THADA: variants seen among roughly 807,000 people sequenced by gnomAD.
THADA encodes the protein THADA armadillo repeat containing.
Under a neutral mutation model 219.8 loss-of-function variants are expected in THADA, and 213 were observed. The observed-to-expected ratio is 0.97, with a 90% CI of 0.87 to 1.09. The LOEUF is 1.09. Among genes scored for constraint, THADA ranks in the 50% least tolerant of loss-of-function variants. The probability of loss-of-function intolerance (pLI) is 0.00; values close to 1 mark genes in which losing one functional copy is unlikely to be tolerated. For missense variants in THADA, 2,956 were observed against 2,311.3 expected, an observed-to-expected ratio of 1.28 and a Z score of -5.72; for synonymous variants, 1,018 against 828.9, an observed-to-expected ratio of 1.23 and a Z score of -3.92.
intron 9 of THADA, among the ~76,000 whole-genome samples, chr2:43,577,766 T>C (rs2104060078): frequency 6.6e-6 from 1 of 152,228 alleles, no homozygotes; most frequent in Non-Finnish European, 1.5e-5. Context: ...TACTGAACAA[T>C]TGACTCTATC....
At chr2:43,574,207 A>G in intron 11 of THADA, 129 bp downstream of exon 11, 1 of 725,262 alleles carries the variant, frequency 1.4e-6, no homozygotes, top group Non-Finnish European at 2.1e-6. Flanking sequence ...TGAAACATCT[A>G]TCATTAATCT....
Position 43,508,697 on chromosome 2 carries a change from G to C in THADA, c.3458C>G (p.Ser1153Cys), listed in dbSNP as rs767796761. 6.2e-7 allele frequency: 1 copy of C among 1,613,714 alleles called. No individual in the cohort carries two copies. The highest frequency in any genetic ancestry group is 8.5e-7 in the Non-Finnish European group (1 of 1,179,716). The change falls in exon 23 of 38, where the codon TCT (serine) becomes TGT (cysteine). Residue 1153 changes from serine (S) to cysteine (C), a missense_variant. Ser to Cys is a moderately radical substitution (Grantham distance 112). Coordinates refer to ENST00000405975, the MANE Select transcript of THADA (RefSeq NM_022065.5). ...ACTGCGCCTTGTAGCACAGAGTTTAGATGAAGGATCACTGCATTTAATTTC... is the reference window on the plus strand; with the variant it reads ...ACTGCGCCTTGTAGCACAGAGTTTACATGAAGGATCACTGCATTTAATTTC... ...LEEIKCSDPS[S>C]KLCATRRSAG...
intron 21 of THADA, among the ~76,000 whole-genome samples, chr2:43,535,015 T>C (rs1362950233): frequency 2.0e-5 from 3 of 152,090 alleles, no homozygotes; most frequent in Non-Finnish European, 4.4e-5. Flanking sequence ...TTGTTATTTT[T>C]TTGTCTTTTT....
chr2:43,283,978 A>G (rs1309265115), intron 35 of THADA, among the ~76,000 whole-genome samples: 1 of 152,180 alleles, frequency 6.6e-6, no homozygotes. Flanking sequence ...CAGGAATTCA[A>G]GACCAGCCTG....
intron 14 of THADA, among the ~76,000 whole-genome samples, chr2:43,569,187 G>C (rs904090332): frequency 1.3e-5 from 2 of 152,042 alleles, no homozygotes; most frequent in Non-Finnish European, 2.9e-5. Flanking sequence ...ATGTTGCCCA[G>C]GCTAGTCTTG....
intron 30 of THADA, among the ~76,000 whole-genome samples, chr2:43,329,912 G>A (rs990270399): frequency 6.6e-6 from 1 of 152,194 alleles, no homozygotes; most frequent in Non-Finnish European, 1.5e-5. Context: ...ACAATAGATA[G>A]TTCCCGTATC....
rs865872232 is a variant in THADA, at chr2:43,400,457, T to G, written c.4059-2318A>C. Among the ~76,000 whole-genome samples the G allele has an allele frequency of 4.4e-5, 4 of 89,904 alleles. No individual in the cohort carries two copies. In the South Asian group the frequency reaches 1.2e-3, roughly 28 times the overall value. The allele number at this position is 89,904 out of a possible 152,430, so 59.0% of individuals were successfully genotyped here. On this transcript the variant is annotated intron_variant, in intron 28 of 37. Transcript: ENST00000405975. ...TGGAAAGATTAGATCATAGACAAAT[T>G]TATATATATATATATATATAAATAT... is the stretch of plus-strand genomic sequence containing the variant.
chr2:43,503,443 G>A (rs371496155), intron 24 of THADA, among the ~76,000 whole-genome samples: 5 of 151,974 alleles, frequency 3.3e-5, no homozygotes, highest in East Asian at 1.9e-4. Context: ...AAAAAGTGTC[G>A]AAAACAACAT....
At chr2:43,264,031 C>G (rs1257539334) in intron 36 of THADA, among the ~76,000 whole-genome samples, 3 of 152,168 alleles carry the variant, frequency 2.0e-5, no homozygotes, top group Non-Finnish European at 2.9e-5. Flanking sequence ...TTATTTTCCT[C>G]CATGGGCTGA....
intron 15 of THADA, among the ~76,000 whole-genome samples, chr2:43,562,050 T>A (rs1335745819): frequency 3.3e-5 from 5 of 152,228 alleles, no homozygotes; most frequent in Admixed American, 3.3e-4. Context: ...TTACATTGAC[T>A]ATTATTCTTA....
intron 30 of THADA, among the ~76,000 whole-genome samples, chr2:43,322,922 G>A (rs1208174438): frequency 2.6e-5 from 4 of 151,840 alleles, no homozygotes; most frequent in Non-Finnish European, 4.4e-5. Flanking sequence ...TCCTGACCTC[G>A]TGATCCACCT....
chr2:43,235,306 G>A (rs1196767056), intron 36 of THADA, among the ~76,000 whole-genome samples: 1 of 151,218 alleles, frequency 6.6e-6, no homozygotes, highest in African/African-American at 2.4e-5. Flanking sequence ...TTGTTGTTTT[G>A]TCTTGAGACA....
At chr2:43,308,924 C>A (rs1558558284) in intron 31 of THADA, among the ~76,000 whole-genome samples, 1 of 152,006 alleles carries the variant, frequency 6.6e-6, no homozygotes, top group African/African-American at 2.4e-5. Context: ...GCAAGGATTT[C>A]TTCACTAGGG....
At chr2:43,409,027 G>A (rs1472946676) in intron 28 of THADA, among the ~76,000 whole-genome samples, 1 of 152,100 alleles carries the variant, frequency 6.6e-6, no homozygotes, top group Non-Finnish European at 1.5e-5. Context: ...TCTTCTGAGG[G>A]CTACAACCAC....
At chr2:43,512,798 G>T (rs923854984) in intron 22 of THADA, among the ~76,000 whole-genome samples, 1 of 152,162 alleles carries the variant, frequency 6.6e-6, no homozygotes, top group African/African-American at 2.4e-5. Context: ...CACCGCACCC[G>T]GCCACAAGTT....
chr2:43,439,390 T>G (rs1680559140), intron 26 of THADA, among the ~76,000 whole-genome samples: 1 of 152,220 alleles, frequency 6.6e-6, no homozygotes, highest in South Asian at 2.1e-4. Context: ...AATTTATAAA[T>G]TATGAGTAGG....
intron 29 of THADA, among the ~76,000 whole-genome samples, chr2:43,353,632 C>A (rs745594425): frequency 7.2e-5 from 11 of 152,166 alleles, no homozygotes; most frequent in Middle Eastern, 3.4e-3. Flanking sequence ...TTTTCCCAAT[C>A]TGTAGGTTGC....
At chr2:43,570,665 AT>A in intron 13 of THADA, 155 bp from the exon 14 acceptor site, 1 of 820,592 alleles carries the variant, frequency 1.2e-6, no homozygotes, top group Non-Finnish European at 1.8e-6. Context: ...ACAGAAAATA[AT>A]TTTTATACCA....
chr2:43,263,859 A>G (rs1160638572), intron 36 of THADA, among the ~76,000 whole-genome samples: 2 of 152,132 alleles, frequency 1.3e-5, no homozygotes, highest in African/African-American at 4.8e-5. Context: ...CCCAGCATGC[A>G]TTAGCTATTT....
Sources: gnomAD v4.1 joint callset for allele counts (sites outside exome capture counted in the v4.1 genomes callset) on GRCh38, gnomAD v4.1.1 for gene constraint, MANE v1.5 for transcripts, NCBI Gene and HGNC (gene_info 2026-07-23, HGNC 2026-07-21) for gene names.